The following CTBP2 variants were observed in gnomAD, a reference collection of about 807,000 sequenced individuals.
CTBP2 encodes the protein C-terminal-binding protein 2.
CTBP2 carries 30 observed loss-of-function variants against 80.3 expected under a neutral mutation model. The observed-to-expected ratio is 0.37, with a 90% confidence interval of 0.28 to 0.51. CTBP2 has a LOEUF of 0.51. Ranked by LOEUF, CTBP2 falls within the 20% of genes least tolerant of loss-of-function variation. The pLI, the probability that CTBP2 is intolerant of heterozygous loss-of-function variation, is 0.93. For missense variants in CTBP2, 1,212 were observed against 1,375.3 expected, an observed-to-expected ratio of 0.88 and a Z score of 1.88; for synonymous variants, 594 against 587.4, an observed-to-expected ratio of 1.01 and a Z score of -0.16.
intron 1 of CTBP2, among the ~76,000 whole-genome samples, chr10:125,130,559 C>T (rs892944142): frequency 1.3e-5 from 2 of 152,216 alleles, no homozygotes; most frequent in Admixed American, 6.5e-5. Context: ...GCTCAAGTCA[C>T]ACGTGGGCTG....
chr10:125,110,899 C>G lies in CTBP2; in HGVS notation c.-102+91G>C, dbSNP rs571731469. On this transcript the variant is annotated intron_variant, in intron 2 of 10. Transcript: ENST00000337195. ...CAATGAAACAGCCAGAGGCTGCAGG[C>G]AATCCATACTCATCAACTAATTGAA... 3 of 152,524 alleles carry G rather than the reference C, an allele frequency of 2.0e-5. No homozygotes were observed. In the East Asian group the frequency reaches 5.8e-4, roughly 29 times the overall value. 9.4% of individuals were successfully genotyped at this position (152,524 alleles called of 1,614,324 possible). A position where few individuals can be genotyped will look rare whatever the true frequency, so the allele number is the denominator to read the frequency against.
chr10:125,025,968 G>A (rs1408144322), intron 1 of CTBP2: 3 of 1,323,346 alleles, frequency 2.3e-6, no homozygotes, highest in Middle Eastern at 2.7e-4. Context: ...GGTGGTGTGT[G>A]TGTGTGTGGC....
chr10:125,003,603 G>T, intron 1 of CTBP2, 111 bp from the exon 4 acceptor site: 1 of 862,358 alleles, frequency 1.2e-6, no homozygotes, highest in Non-Finnish European at 1.7e-6. Flanking sequence ...AAGCGAGGGT[G>T]GCGGAGCAGC....
intron 3 of CTBP2, chr10:125,001,389 C>T (rs1400686774): frequency 6.6e-6 from 1 of 152,228 alleles, no homozygotes; most frequent in East Asian, 1.9e-4. Flanking sequence ...GATTTCAGCT[C>T]TACCCAGAGC....
intron 2 of CTBP2, among the ~76,000 whole-genome samples, chr10:125,080,292 A>C (rs1250183781): frequency 6.7e-6 from 1 of 148,396 alleles, no homozygotes; most frequent in Non-Finnish European, 1.5e-5. Context: ...GGGGTAAAAA[A>C]AAAACACACA....
chr10:124,998,082 G>A lies in CTBP2; in HGVS notation c.2067C>T (p.Asn689=). ...CCCGCAGTGCCTGGTACAGCCACGT[G>A]TTCCTCCGGTACAGGTTGAGGATGT... Residue 689 remains asparagine, a synonymous_variant, in exon 4 of 9, where the codon AAC becomes AAT. Coordinates refer to ENST00000309035, the MANE Select transcript of CTBP2 (RefSeq NM_022802.3). 1 of 1,613,052 alleles carries A rather than the reference G, an allele frequency of 6.2e-7. No individual in the cohort carries two copies. Among genetic ancestry groups the A allele is most frequent in the Non-Finnish European group, 8.5e-7 (1 of 1,179,838 alleles).
chr10:125,101,061 G>A (rs1041914739), intron 2 of CTBP2, among the ~76,000 whole-genome samples: 1 of 152,166 alleles, frequency 6.6e-6, no homozygotes, highest in East Asian at 1.9e-4. Context: ...ACGATCCAGG[G>A]ATCTTATAAG....
chr10:125,089,228 T>G (rs1308097138), intron 2 of CTBP2, among the ~76,000 whole-genome samples: 1 of 152,218 alleles, frequency 6.6e-6, no homozygotes, highest in Admixed American at 6.5e-5. Context: ...AAAAGTTGCT[T>G]TTTTCATAAG....
intron 2 of CTBP2, among the ~76,000 whole-genome samples, chr10:125,072,798 G>A (rs1284849515): frequency 2.0e-5 from 3 of 152,130 alleles, no homozygotes; most frequent in African/African-American, 7.2e-5. Context: ...AGCACACACA[G>A]GATCTTGTAG....
At chr10:124,991,964 G>C (rs916662620) in intron 8 of CTBP2, among the ~76,000 whole-genome samples, 1 of 150,530 alleles carries the variant, frequency 6.6e-6, no homozygotes, top group African/African-American at 2.4e-5. Context: ...TTCTCCCTGT[G>C]AGGGCTCCTG....
chr10:125,150,041 A>C (rs1429969347), intron 1 of CTBP2, among the ~76,000 whole-genome samples: 1 of 152,228 alleles, frequency 6.6e-6, no homozygotes, highest in African/African-American at 2.4e-5. Context: ...GTGCAAACAG[A>C]CTATCACAGT....
intron 1 of CTBP2, among the ~76,000 whole-genome samples, chr10:125,134,291 C>T (rs1414953839): frequency 6.6e-6 from 1 of 152,210 alleles, no homozygotes; most frequent in African/African-American, 2.4e-5. Flanking sequence ...GCAGTAAGAG[C>T]AGATTCAAAT....
intron 2 of CTBP2, among the ~76,000 whole-genome samples, chr10:125,079,951 AAC>A (rs1846922771): frequency 6.6e-6 from 1 of 152,294 alleles, no homozygotes; most frequent in African/African-American, 2.4e-5. Flanking sequence ...GCAGATTTTA[AAC>A]AGAGTCGGCT....
intron 1 of CTBP2, chr10:125,137,950 C>T (rs1028370368): frequency 3.3e-5 from 5 of 152,308 alleles, no homozygotes; most frequent in South Asian, 2.1e-4. Flanking sequence ...CCCAGGGGAC[C>T]GCGGGAGGGG....
intron 2 of CTBP2, among the ~76,000 whole-genome samples, chr10:125,098,992 C>T (rs1850194763): frequency 1.3e-5 from 2 of 152,200 alleles, no homozygotes; most frequent in South Asian, 4.1e-4. Context: ...TGAGCATTTA[C>T]CAAGCCAGAA....
intron 2 of CTBP2, among the ~76,000 whole-genome samples, chr10:125,089,316 A>G (rs771299519): frequency 5.9e-5 from 9 of 152,238 alleles, no homozygotes; most frequent in Non-Finnish European, 1.2e-4. Flanking sequence ...AGGTTGACAC[A>G]AAAACTTTAA....
At chr10:125,126,456 A>G (rs1296674998) in intron 1 of CTBP2, among the ~76,000 whole-genome samples, 3 of 152,230 alleles carry the variant, frequency 2.0e-5, no homozygotes, top group African/African-American at 4.8e-5. Context: ...GCGTATGGAT[A>G]GGAAGCACCA....
At chr10:125,002,570 G>A (rs2134264055) in intron 3 of CTBP2, among the ~76,000 whole-genome samples, 1 of 152,324 alleles carries the variant, frequency 6.6e-6, no homozygotes, top group Middle Eastern at 3.4e-3. Flanking sequence ...CACGGCAGGG[G>A]CAGTTTAGGG....
chr10:125,033,276 G>A (rs1442450840), intron 3 of CTBP2, among the ~76,000 whole-genome samples: 1 of 152,220 alleles, frequency 6.6e-6, no homozygotes, highest in Non-Finnish European at 1.5e-5. Flanking sequence ...AGCCCAGCTG[G>A]GGTGCTCAGC....
Sources: gnomAD v4.1 joint callset for allele counts (sites outside exome capture counted in the v4.1 genomes callset) on GRCh38, gnomAD v4.1.1 for gene constraint, MANE v1.5 for transcripts, NCBI Gene and HGNC (gene_info 2026-07-23, HGNC 2026-07-21) for gene names.